WWC1: variants seen among roughly 807,000 people sequenced by gnomAD.
WWC1 encodes WW and C2 domain containing 1, also known as protein KIBRA.
WWC1 carries 55 observed loss-of-function variants against 138.4 expected under a neutral mutation model. That is an observed-to-expected ratio of 0.40 (90% confidence interval 0.32 to 0.50). The LOEUF (loss-of-function observed/expected upper bound fraction) is 0.50. Among genes scored for constraint, WWC1 ranks in the 20% least tolerant of loss-of-function variants. WWC1 has a pLI of 0.72. For missense variants in WWC1, 1,226 were observed against 1,420.4 expected (o/e 0.86, Z 2.20); for synonymous variants, 524 against 564.9 (o/e 0.93, Z 1.03).
chr5:168,399,742 G>T (rs1186741024), intron 5 of WWC1, among the ~76,000 whole-genome samples, 175 bp downstream of exon 5: 1 of 152,124 alleles, frequency 6.6e-6, no homozygotes, highest in African/African-American at 2.4e-5. Context: ...GCCACCCAAG[G>T]GTGGGGTTTG....
chr5:168,330,801 G>C (rs1772974540), intron 1 of WWC1, among the ~76,000 whole-genome samples: 2 of 152,236 alleles, frequency 1.3e-5, no homozygotes, highest in South Asian at 2.1e-4. Context: ...GAGGAAGCCA[G>C]AGGTGGATGA....
At chr5:168,338,322 A>C (rs541658380) in intron 1 of WWC1, among the ~76,000 whole-genome samples, 1 of 151,032 alleles carries the variant, frequency 6.6e-6, no homozygotes, top group South Asian at 2.1e-4. Flanking sequence ...AAAAAAAAAA[A>C]CTAAATAAAT....
At chr5:168,372,926 A>G (rs1776866111) in intron 2 of WWC1, among the ~76,000 whole-genome samples, 1 of 152,270 alleles carries the variant, frequency 6.6e-6, no homozygotes, top group Non-Finnish European at 1.5e-5. Context: ...AGAAAAGGGC[A>G]TACGTGCATG....
intron 1 of WWC1, among the ~76,000 whole-genome samples, chr5:168,300,985 C>A (rs185817050): frequency 6.6e-6 from 1 of 152,282 alleles, no homozygotes; most frequent in East Asian, 1.9e-4. Flanking sequence ...CCAGGAATTT[C>A]TTCTAAGTGC....
chr5:168,370,627 A>C (rs909733337), intron 1 of WWC1, among the ~76,000 whole-genome samples: 3 of 152,324 alleles, frequency 2.0e-5, no homozygotes, highest in East Asian at 1.9e-4. Flanking sequence ...ATATACCCAG[A>C]TTCCCAGCTT....
chr5:168,464,238 G>T (rs1206817319), intron 20 of WWC1, among the ~76,000 whole-genome samples: 2 of 152,134 alleles, frequency 1.3e-5, no homozygotes, highest in Non-Finnish European at 2.9e-5. Context: ...CATGACTTCT[G>T]CCCTCAAGCA....
intron 1 of WWC1, among the ~76,000 whole-genome samples, chr5:168,331,032 G>T (rs72822626): frequency 0.11 from 17,011 of 152,128 alleles, 1,300 homozygotes; most frequent in Non-Finnish European, 0.15. Flanking sequence ...AGGGGGTCAT[G>T]CTTCAGAACT....
chr5:168,449,707 G>T (rs1283154915), intron 17 of WWC1, among the ~76,000 whole-genome samples: 1 of 151,798 alleles, frequency 6.6e-6, no homozygotes, highest in Non-Finnish European at 1.5e-5. Flanking sequence ...CCAAGTGGCT[G>T]GGATTACAGG....
chr5:168,462,148 GC>G (rs1222877524), intron 20 of WWC1, among the ~76,000 whole-genome samples: 1 of 152,134 alleles, frequency 6.6e-6, no homozygotes, highest in East Asian at 1.9e-4. Context: ...GTAGGGGCAG[GC>G]CCCCCACCTT....
intron 2 of WWC1, among the ~76,000 whole-genome samples, chr5:168,382,367 G>A (rs1290575121): frequency 6.6e-6 from 1 of 152,224 alleles, no homozygotes; most frequent in African/African-American, 2.4e-5. Flanking sequence ...TTACCTCTGG[G>A]CAATGGGATT....
At chr5:168,346,562 G>T (rs1323206343) in intron 1 of WWC1, among the ~76,000 whole-genome samples, 1 of 152,178 alleles carries the variant, frequency 6.6e-6, no homozygotes, top group African/African-American at 2.4e-5. Flanking sequence ...TGAAATGCTT[G>T]TTGAGAAAAT....
chr5:168,435,599 T>C (rs1782285592), intron 15 of WWC1, among the ~76,000 whole-genome samples: 2 of 151,896 alleles, frequency 1.3e-5, no homozygotes, highest in South Asian at 4.2e-4. Context: ...TTTGTAGAGA[T>C]GGGGTCTCAC....
chr5:168,432,560 G>C (rs1040067299), intron 15 of WWC1, among the ~76,000 whole-genome samples: 1 of 152,220 alleles, frequency 6.6e-6, no homozygotes, highest in Non-Finnish European at 1.5e-5. Context: ...TTTAGTGTTA[G>C]AATATTTTAA....
rs1219732116 is a variant in WWC1, at chr5:168,400,654, G to A, written c.590+1087G>A. Among the ~76,000 whole-genome samples the A allele has an allele frequency of 3.3e-5, 5 of 152,128 alleles. No homozygotes were observed. In the East Asian group the frequency reaches 7.7e-4, roughly 23 times the overall value. Reference sequence around the variant, plus strand: ...GTCACTTAGCAGGTACTCAAGAAAGGTTAGCTTATTGTGGCTGGGCACAGT... The same window carrying A: ...GTCACTTAGCAGGTACTCAAGAAAGATTAGCTTATTGTGGCTGGGCACAGT... On this transcript the variant is annotated intron_variant, in intron 5 of 22. Transcript: ENST00000265293.
chr5:168,315,983 A>G (rs1056899573), intron 1 of WWC1, among the ~76,000 whole-genome samples: 1 of 152,196 alleles, frequency 6.6e-6, no homozygotes, highest in Non-Finnish European at 1.5e-5. Flanking sequence ...TCTTCCTGCT[A>G]CAGAAAAACA....
intron 16 of WWC1, among the ~76,000 whole-genome samples, chr5:168,443,155 T>C (rs1402690939): frequency 6.6e-6 from 1 of 152,226 alleles, no homozygotes; most frequent in Admixed American, 6.5e-5. Context: ...GTAACGGTTG[T>C]TCCCTCTGTC....
In WWC1 at chr5:168,453,969, A is replaced by G. The variant is rs370006741; in HGVS notation, c.2527A>G (p.Arg843Gly). ...AACCAAAGTGCTTTGTCATCACAGGAGGTATGAGGAGACCAGTGAGAATGA... is the reference window on the plus strand; with the variant it reads ...AACCAAAGTGCTTTGTCATCACAGGGGGTATGAGGAGACCAGTGAGAATGA... ...SSTQTLEDSW[R>G]YEETSENEAV... The change falls in exon 18 of 23, where the codon AGG (arginine) becomes GGG (glycine). Residue 843 changes from arginine to glycine, a missense_variant and splice_region_variant. Transcript: ENST00000265293. 3 of 1,612,140 alleles carry G rather than the reference A, an allele frequency of 1.9e-6. No individual in the cohort carries two copies. The highest frequency in any genetic ancestry group is 2.5e-6 in the Non-Finnish European group (3 of 1,179,840).
intron 1 of WWC1, among the ~76,000 whole-genome samples, chr5:168,329,235 A>T (rs1772830727): frequency 6.6e-6 from 1 of 152,278 alleles, no homozygotes; most frequent in South Asian, 2.1e-4. Flanking sequence ...GTTTTGTATG[A>T]TTCTTAGGAT....
intron 15 of WWC1, among the ~76,000 whole-genome samples, chr5:168,438,551 T>C (rs1754458808): frequency 6.6e-6 from 1 of 152,212 alleles, no homozygotes; most frequent in Non-Finnish European, 1.5e-5. Flanking sequence ...GGTATGCCTT[T>C]ATTAGCAGCA....
Sources: allele counts gnomAD v4.1 joint callset (sites outside exome capture counted in the v4.1 genomes callset), GRCh38; gene constraint gnomAD v4.1.1; transcripts MANE v1.5; gene names NCBI Gene and HGNC (gene_info 2026-07-23, HGNC 2026-07-21).